Variants in INTS7 observed in about 807,000 individuals in gnomAD.
INTS7 encodes the protein integrator complex subunit 7.
In INTS7, 46 loss-of-function variants were observed where a neutral mutation model predicts 109.2. The ratio of observed to expected loss-of-function variants is 0.42; its 90% CI spans 0.33 to 0.54. The LOEUF (loss-of-function observed/expected upper bound fraction) is 0.54. INTS7 is among the 20% of genes least tolerant of loss of function. The probability of loss-of-function intolerance (pLI) is 0.07; values close to 1 mark genes in which losing one functional copy is unlikely to be tolerated. For missense variants in INTS7, 929 were observed against 1,132.4 expected (o/e 0.82, Z 2.58); for synonymous variants, 412 against 402.9 (o/e 1.02, Z -0.27).
intron 8 of INTS7, among the ~76,000 whole-genome samples, chr1:211,984,456 T>C (rs974032074): frequency 8.6e-5 from 13 of 152,044 alleles, no homozygotes; most frequent in African/African-American, 2.2e-4. Flanking sequence ...TTCTTTTAAA[T>C]CTTTTTCCCC....
chr1:211,950,883 A>G (rs773937392), intron 17 of INTS7, among the ~76,000 whole-genome samples: 1 of 152,172 alleles, frequency 6.6e-6, no homozygotes, highest in Admixed American at 6.5e-5. Context: ...TTTAGGATGG[A>G]GCTTAGAAGA....
At chr1:211,994,974 G>GA (rs980145877) in intron 7 of INTS7, among the ~76,000 whole-genome samples, 44 of 151,604 alleles carry the variant, frequency 2.9e-4, no homozygotes, top group Admixed American at 2.7e-3. Flanking sequence ...TTACAAAAAA[G>GA]AAACTTCATA....
intron 3 of INTS7, 68 bp downstream of exon 3, chr1:212,020,054 A>C: frequency 2.7e-6 from 3 of 1,111,262 alleles, no homozygotes; most frequent in South Asian, 4.8e-5. Context: ...ATGTAAATAC[A>C]CTGCCTTTTT....
chr1:212,015,089 G>C (rs1164036630), intron 4 of INTS7, among the ~76,000 whole-genome samples: 1 of 141,640 alleles, frequency 7.1e-6, no homozygotes, highest in Non-Finnish European at 1.5e-5. Context: ...CGGGAGGTGG[G>C]GGGCGGCCCC....
chr1:211,951,602 G>A (rs1046097919), intron 17 of INTS7, among the ~76,000 whole-genome samples: 13 of 152,104 alleles, frequency 8.5e-5, no homozygotes, highest in African/African-American at 3.1e-4. Flanking sequence ...CACCGCACCC[G>A]GCCAGGATGA....
intron 1 of INTS7, among the ~76,000 whole-genome samples, chr1:212,032,623 C>T (rs1667220229): frequency 6.6e-6 from 1 of 151,956 alleles, no homozygotes; most frequent in Non-Finnish European, 1.5e-5. Context: ...ACTACAGGTG[C>T]CCACCACCAC....
intron 3 of INTS7, among the ~76,000 whole-genome samples, chr1:212,019,431 C>T (rs772453773): frequency 2.6e-5 from 4 of 152,112 alleles, no homozygotes; most frequent in South Asian, 4.2e-4. Context: ...ATGGAAAAAA[C>T]GACACTCAGG....
At chr1:211,971,212 A>G (rs1571862328) in intron 13 of INTS7, among the ~76,000 whole-genome samples, 1 of 152,316 alleles carries the variant, frequency 6.6e-6, no homozygotes, top group East Asian at 1.9e-4. Flanking sequence ...ACAACTGGGC[A>G]AGTGGTGATA....
chr1:211,956,465 T>A (rs766090687), intron 16 of INTS7, among the ~76,000 whole-genome samples: 9 of 152,178 alleles, frequency 5.9e-5, no homozygotes, highest in Non-Finnish European at 8.8e-5. Context: ...TTTAAAAAAA[T>A]TTTTGTCTAT....
chr1:211,980,334 A>G (rs995247441), intron 10 of INTS7, among the ~76,000 whole-genome samples: 1 of 152,204 alleles, frequency 6.6e-6, no homozygotes, highest in Admixed American at 6.5e-5. Flanking sequence ...TTTATCTAAC[A>G]GTTTCTTACT....
At position 211,985,569 on chromosome 1, in the gene INTS7, C is replaced by A. The variant is rs114241675; in HGVS notation, c.997+2317G>T. 2.7e-3 allele frequency among the ~76,000 whole-genome samples: 414 copies of A among 152,148 alleles called. 1 individual carries two copies. Among genetic ancestry groups the A allele is most frequent in the African/African-American group, 9.8e-3 (406 of 41,492 alleles). ...AAAGTGTTTAAGTATTATAACCCAA[C>A]ATAATGCTAATACATGTCTTTGGAA... On this transcript the variant is annotated intron_variant, in intron 8 of 19. Transcript: ENST00000366994.
At chr1:211,974,517 A>G (rs1664332810) in intron 13 of INTS7, among the ~76,000 whole-genome samples, 1 of 151,890 alleles carries the variant, frequency 6.6e-6, no homozygotes, top group Non-Finnish European at 1.5e-5. Context: ...GTATTTTTAA[A>G]ATGTTTAACG....
chr1:211,989,394 G>A (rs1665044722), intron 7 of INTS7, among the ~76,000 whole-genome samples: 1 of 148,406 alleles, frequency 6.7e-6, no homozygotes, highest in African/African-American at 2.5e-5. Flanking sequence ...TTTTTTTATG[G>A]CAAATAAAAA....
At chr1:211,970,619 A>C (rs190572745) in intron 13 of INTS7, among the ~76,000 whole-genome samples, 63 of 152,348 alleles carry the variant, frequency 4.1e-4, no homozygotes, top group African/African-American at 1.4e-3. Context: ...AAAAGACATA[A>C]AAACTAGTAG....
At chr1:211,976,835 G>T in intron 11 of INTS7, 116 bp from the exon 12 acceptor site, 1 of 870,986 alleles carries the variant, frequency 1.1e-6, no homozygotes, top group Non-Finnish European at 1.8e-6. Context: ...AACAAAATTT[G>T]TTTTCCAATG....
At chr1:212,003,216 CAT>C (rs1665754745) in intron 7 of INTS7, among the ~76,000 whole-genome samples, 1 of 141,934 alleles carries the variant, frequency 7.0e-6, no homozygotes, top group African/African-American at 2.6e-5. Flanking sequence ...AGAAATCAAA[CAT>C]AGTCTAGACA....
intron 16 of INTS7, among the ~76,000 whole-genome samples, chr1:211,961,926 A>G (rs1175335620): frequency 1.3e-5 from 2 of 152,184 alleles, no homozygotes; most frequent in Non-Finnish European, 1.5e-5. Context: ...ACAAAAACAT[A>G]CTTAAGTACA....
chr1:212,031,050 A>G (rs921924746), intron 1 of INTS7: 1 of 152,266 alleles, frequency 6.6e-6, no homozygotes, highest in African/African-American at 2.4e-5. Context: ...ACACAGCATT[A>G]CATTCACCAG....
In INTS7 at chr1:211,982,128, C is replaced by T. The variant is rs572329511; in HGVS notation, c.1132+548G>A. On this transcript the variant is annotated intron_variant, in intron 9 of 19. Transcript: ENST00000366994. ...AAAATGCATTTCTTGTTCTTGAACA[C>T]AAGTCAAAAGATGTTAGGTAGACAA... 3.3e-5 allele frequency among the ~76,000 whole-genome samples: 5 copies of T among 152,270 alleles called. No individual in the cohort carries two copies. The South Asian group carries it at 1.0e-3, about 32-fold the overall frequency.
Sources: gnomAD v4.1 joint callset for allele counts (sites outside exome capture counted in the v4.1 genomes callset) on GRCh38, gnomAD v4.1.1 for gene constraint, MANE v1.5 for transcripts, NCBI Gene and HGNC (gene_info 2026-07-23, HGNC 2026-07-21) for gene names.